DMD: variants seen among roughly 807,000 people sequenced by gnomAD.
DMD encodes the protein dystrophin, also known as mutant dystrophin.
A neutral mutation model predicts 330.1 loss-of-function variants in DMD; 63 were observed. The ratio of observed to expected loss-of-function variants is 0.19; its 90% CI spans 0.16 to 0.24. DMD has a LOEUF of 0.24. Among genes scored for constraint, DMD ranks in the 10% least tolerant of loss-of-function variants. DMD has a pLI of 1.00. For synonymous variants in DMD, 1,223 were observed against 959.8 expected (o/e 1.27, Z -5.07); for missense variants, 3,344 against 2,684.1 (o/e 1.25, Z -5.43).
At chrX:31,260,155 C>T (rs917821545) in intron 63 of DMD, among the ~76,000 whole-genome samples, 6 of 111,465 alleles carry the variant, frequency 5.4e-5, no homozygotes, top group Non-Finnish European at 9.4e-5. Context: ...GCAGAAGAAC[C>T]GCCATGAGCC....
intron 1 of DMD, among the ~76,000 whole-genome samples, chrX:33,252,333 A>G (rs1206415751): frequency 1.8e-5 from 2 of 110,919 alleles, no homozygotes; most frequent in Non-Finnish European, 3.8e-5. Flanking sequence ...TTTGTCTTTT[A>G]GTGGGGTCTA....
chrX:32,839,256 T>A (rs922125206), intron 4 of DMD, among the ~76,000 whole-genome samples: 1 of 111,053 alleles, frequency 9.0e-6, no homozygotes, highest in Non-Finnish European at 1.9e-5. Flanking sequence ...CTTTTTCACC[T>A]TAAGGTCTTT....
At chrX:32,408,153 A>G (rs902428959) in intron 30 of DMD, among the ~76,000 whole-genome samples, 1 of 112,077 alleles carries the variant, frequency 8.9e-6, no homozygotes, top group African/African-American at 3.2e-5. Flanking sequence ...GCTAAGTGTT[A>G]TCTTTTGAAA....
chrX:32,705,889 G>A (rs2064585214), intron 7 of DMD, among the ~76,000 whole-genome samples: 3 of 110,215 alleles, frequency 2.7e-5, no homozygotes, highest in Non-Finnish European at 3.8e-5. Context: ...TATACCCAAA[G>A]GACTATAAAT....
intron 49 of DMD, among the ~76,000 whole-genome samples, chrX:31,823,580 T>C (rs1180104373): frequency 1.8e-5 from 2 of 110,861 alleles, no homozygotes; most frequent in East Asian, 5.7e-4. Flanking sequence ...ATCATTTTAT[T>C]AGGCTTATTT....
At position 32,468,599 on chromosome X, in the gene DMD, C is replaced by T; in HGVS notation, c.3061G>A (p.Glu1021Lys). 1 of 1,211,255 alleles carries T rather than the reference C, an allele frequency of 8.3e-7. No individual in the cohort carries two copies. ...CAGCGTCCCTCAATTTCTTCAAATT[C>T]TGATTGATATTTCCGGCTAATTTCA... ...PSEISRKYQSEFEEIEGRWKK... is the reference protein window; with the variant it reads ...PSEISRKYQSKFEEIEGRWKK... The change falls in exon 23 of 79, where the codon GAA (glutamate) becomes AAA (lysine). Residue 1021 changes from glutamate (E) to lysine (K), a missense_variant. Coordinates refer to ENST00000357033, the MANE Select transcript of DMD (RefSeq NM_004006.3).
At chrX:32,435,880 G>A (rs1205597828) in intron 29 of DMD, among the ~76,000 whole-genome samples, 1 of 111,518 alleles carries the variant, frequency 9.0e-6, no homozygotes, top group Non-Finnish European at 1.9e-5. Context: ...AAATCCATAG[G>A]CAGCTTCCTG....
intron 50 of DMD, among the ~76,000 whole-genome samples, chrX:31,812,878 A>T (rs776644246): frequency 6.1e-4 from 69 of 112,363 alleles, no homozygotes; most frequent in Admixed American, 1.1e-3. Context: ...CAAAAGGTAT[A>T]ACTGTGGCAC....
rs747918788 is a variant in DMD at position 31,878,728 on chromosome X, G to C, written c.6913-3355C>G. Among the ~76,000 whole-genome samples, 4 of 112,453 alleles carry C rather than the reference G, an allele frequency of 3.6e-5. No homozygotes were observed. In the Admixed American group the frequency reaches 3.8e-4, roughly 11 times the overall value. ...GGACAAAAGATAAGGACAGTTCACA[G>C]AAAAGAAAATACAAAGGATTTTAAA... On this transcript the variant is annotated intron_variant, in intron 47 of 78. Transcript: ENST00000357033.
chrX:32,459,755 T>A (rs1204242623), intron 25 of DMD, among the ~76,000 whole-genome samples: 1 of 111,204 alleles, frequency 9.0e-6, no homozygotes, highest in African/African-American at 3.3e-5. Context: ...CTTCAGCAAG[T>A]ACTGCCAGAT....
intron 4 of DMD, among the ~76,000 whole-genome samples, chrX:32,826,388 T>C (rs1377756627): frequency 8.9e-6 from 1 of 111,762 alleles, no homozygotes; most frequent in African/African-American, 3.3e-5. Flanking sequence ...TGCACTTCAA[T>C]GTATATTGTA....
At chrX:32,759,220 A>T (rs1318032643) in intron 7 of DMD, among the ~76,000 whole-genome samples, 1 of 111,888 alleles carries the variant, frequency 8.9e-6, no homozygotes, top group Non-Finnish European at 1.9e-5. Context: ...CCTGACTCTC[A>T]AGTTACACTG....
At chrX:33,281,806 A>G (rs919619954) in intron 1 of DMD, among the ~76,000 whole-genome samples, 1 of 106,949 alleles carries the variant, frequency 9.4e-6, no homozygotes, top group Non-Finnish European at 1.9e-5. Context: ...TTCTCGTGTT[A>G]TTGAGGCCTG....
chrX:32,013,536 A>G (rs762179589), intron 44 of DMD, among the ~76,000 whole-genome samples: 4 of 112,238 alleles, frequency 3.6e-5, no homozygotes, highest in African/African-American at 1.3e-4. Flanking sequence ...TATTTAATAC[A>G]TTTTTGTATA....
chrX:31,851,302 T>TA (rs1471018353), intron 48 of DMD, among the ~76,000 whole-genome samples: 3 of 111,241 alleles, frequency 2.7e-5, no homozygotes, highest in East Asian at 5.6e-4. Context: ...AAAAAAAACT[T>TA]AGAGATTTAT....
intron 36 of DMD, 112 bp from the exon 37 acceptor site, chrX:32,363,070 G>C: frequency 3.1e-6 from 2 of 655,381 alleles, no homozygotes; most frequent in Admixed American, 2.9e-5. Flanking sequence ...GAGTGAGAAA[G>C]AGAGAGAGAG....
At chrX:33,306,482 G>C (rs1358419012) in intron 1 of DMD, among the ~76,000 whole-genome samples, 2 of 111,061 alleles carry the variant, frequency 1.8e-5, no homozygotes, top group African/African-American at 6.5e-5. Context: ...AATGGGCCTG[G>C]TATTTGCTAA....
At chrX:32,948,278 A>G (rs1472046397) in intron 2 of DMD, among the ~76,000 whole-genome samples, 1 of 111,714 alleles carries the variant, frequency 9.0e-6, no homozygotes, top group Non-Finnish European at 1.9e-5. Context: ...GGTTCTTTAG[A>G]CAATGTAGAG....
chrX:32,417,537 G>C (rs752394827), intron 29 of DMD, among the ~76,000 whole-genome samples: 2 of 110,969 alleles, frequency 1.8e-5, no homozygotes, highest in African/African-American at 6.6e-5. Context: ...AAAAATGAAT[G>C]AGAAATGATA....
Sources: allele counts gnomAD v4.1 joint callset (sites outside exome capture counted in the v4.1 genomes callset), GRCh38; gene constraint gnomAD v4.1.1; transcripts MANE v1.5; gene names NCBI Gene and HGNC (gene_info 2026-07-23, HGNC 2026-07-21).